THSD7A: variants seen among roughly 807,000 people sequenced by gnomAD.
The protein encoded by THSD7A is thrombospondin type-1 domain-containing protein 7A.
In THSD7A, 96 loss-of-function variants were observed where a neutral mutation model predicts 231.3. The observed-to-expected ratio is 0.41, with a 90% CI of 0.35 to 0.49. THSD7A has a LOEUF of 0.49. Among genes scored for constraint, THSD7A ranks in the 20% least tolerant of loss-of-function variants. THSD7A has a pLI of 0.05. For synonymous variants in THSD7A, 940 were observed against 743.3 expected, an observed-to-expected ratio of 1.26 and a Z score of -4.30; for missense variants, 2,290 against 2,070.2, an observed-to-expected ratio of 1.11 and a Z score of -2.06.
intron 19 of THSD7A, chr7:11,410,295 A>G (rs569903740): frequency 2.4e-4 from 37 of 152,342 alleles, no homozygotes; most frequent in African/African-American, 8.4e-4. Context: ...TATCAAATGA[A>G]TTAAAATATT....
chr7:11,712,708 C>T (rs1781007344), intron 1 of THSD7A, among the ~76,000 whole-genome samples: 1 of 150,974 alleles, frequency 6.6e-6, no homozygotes, highest in South Asian at 2.1e-4. Flanking sequence ...GAAGTGTTTT[C>T]TACTTAATCC....
chr7:11,824,353 G>A (rs1784962705), intron 1 of THSD7A, among the ~76,000 whole-genome samples: 1 of 151,942 alleles, frequency 6.6e-6, no homozygotes, highest in Non-Finnish European at 1.5e-5. Flanking sequence ...TCATATCAGA[G>A]GTCAAGAAAC....
Position 11,444,040 on chromosome 7 carries a change from TATGAAAAA to T in THSD7A, c.3064+2013_3064+2020del, listed in dbSNP as rs1252066368. Among the ~76,000 whole-genome samples, 2 of 151,786 alleles carry T rather than the reference TATGAAAAA, an allele frequency of 1.3e-5. No homozygotes were observed. Among genetic ancestry groups the T allele is most frequent in the Admixed American group, 1.3e-4 (2 of 15,214 alleles). ...ACGACATTTATGTGGCTAACAAACATATGAAAAAAAGCTCATCATCACTGGTCATTAGA... is the reference window on the plus strand; with the variant it reads ...ACGACATTTATGTGGCTAACAAACATAAGCTCATCATCACTGGTCATTAGA... On this transcript the variant is annotated intron_variant, in intron 13 of 27. Transcript: ENST00000423059. This position sits in a 1 kb window ranked among gnomAD's most constrained non-coding sequence, Gnocchi z 4.2.
At chr7:11,616,266 T>C (rs569652734) in intron 2 of THSD7A, among the ~76,000 whole-genome samples, 1 of 152,172 alleles carries the variant, frequency 6.6e-6, no homozygotes, top group African/African-American at 2.4e-5. Flanking sequence ...TGGTTCTCAA[T>C]CTCTCTGCTT....
At chr7:11,676,183 TAGAA>T (rs1334462064) in intron 1 of THSD7A, among the ~76,000 whole-genome samples, 1 of 152,124 alleles carries the variant, frequency 6.6e-6, no homozygotes, top group African/African-American at 2.4e-5. Flanking sequence ...GCCTGACTGT[TAGAA>T]AGAAAACTGA....
In THSD7A at chr7:11,611,197, G is replaced by T. The variant is rs529060985; in HGVS notation, c.1023-17695C>A. On this transcript the variant is annotated intron_variant, in intron 2 of 27. Coordinates refer to ENST00000423059, the MANE Select transcript of THSD7A (RefSeq NM_015204.3). ...TTTATATATCTCAAGTGTTAGAGAA[G>T]ATCTAACTTAATCAATATTTAATGT... Among the ~76,000 whole-genome samples the T allele has an allele frequency of 3.9e-5, 6 of 152,022 alleles. No individual in the cohort carries two copies. In the South Asian group the frequency reaches 1.0e-3, roughly 26 times the overall value.
chr7:11,579,472 G>A (rs899095363), intron 4 of THSD7A, among the ~76,000 whole-genome samples: 7 of 152,180 alleles, frequency 4.6e-5, no homozygotes, highest in African/African-American at 1.4e-4. Context: ...TGAAATAAGT[G>A]CTTAAGGGTT....
At chr7:11,719,925 A>T (rs1164890047) in intron 1 of THSD7A, among the ~76,000 whole-genome samples, 1 of 151,572 alleles carries the variant, frequency 6.6e-6, no homozygotes, top group Non-Finnish European at 1.5e-5. Context: ...CTTTCTCCTT[A>T]ACTATAACTC....
intron 4 of THSD7A, among the ~76,000 whole-genome samples, chr7:11,548,378 A>T (rs1583951833): frequency 6.6e-6 from 1 of 152,248 alleles, no homozygotes; most frequent in East Asian, 1.9e-4. Flanking sequence ...AACCCTTACC[A>T]ACCACAAAAG....
At chr7:11,461,861 GA>G (rs1253701908) in intron 10 of THSD7A, 149 bp downstream of exon 10, 28 of 1,005,072 alleles carry the variant, frequency 2.8e-5, no homozygotes, top group Non-Finnish European at 3.7e-5. Context: ...CTGCTGAAGA[GA>G]CAAGAATGGC....
chr7:11,473,634 C>G (rs902436188), intron 8 of THSD7A, among the ~76,000 whole-genome samples: 2 of 152,048 alleles, frequency 1.3e-5, no homozygotes, highest in Admixed American at 6.6e-5. Context: ...AAGTGATTAG[C>G]TCAGTTATGC....
chr7:11,502,921 A>C (rs540273657), intron 6 of THSD7A, among the ~76,000 whole-genome samples: 1 of 152,306 alleles, frequency 6.6e-6, no homozygotes, highest in Admixed American at 6.5e-5. Context: ...TCAATCCATC[A>C]ATAACATTCT....
intron 1 of THSD7A, among the ~76,000 whole-genome samples, chr7:11,668,445 AAG>A (rs540679033): frequency 6.9e-6 from 1 of 145,096 alleles, no homozygotes; most frequent in Non-Finnish European, 1.5e-5. Context: ...AAAAGAAAGA[AAG>A]AGAGAGAGAG....
Position 11,375,314 on chromosome 7 carries a change from T to C in THSD7A, c.*480A>G, listed in dbSNP as rs1782222156. 1 of 152,224 alleles carries C rather than the reference T, an allele frequency of 6.6e-6. No homozygotes were observed. The allele number at this position is 152,224 out of a possible 1,614,324, so 9.4% of individuals were successfully genotyped here. A position where few individuals can be genotyped will look rare whatever the true frequency, so the allele number is the denominator to read the frequency against. On this transcript the variant is annotated 3_prime_UTR_variant, in exon 28 of 28. Coordinates refer to ENST00000423059, the MANE Select transcript of THSD7A (RefSeq NM_015204.3). ...GTTTATTTGTTATGCATTGTTAAAA[T>C]TGCTTATTAGCAAGTACATAATCTG...
In THSD7A at chr7:11,411,563, T is replaced by C. The variant is rs1255528403; in HGVS notation, c.3683-241A>G. Among the ~76,000 whole-genome samples, 1 of 152,216 alleles carries C rather than the reference T, an allele frequency of 6.6e-6. No homozygotes were observed. Among genetic ancestry groups the C allele is most frequent in the Non-Finnish European group, 1.5e-5 (1 of 68,034 alleles). ...AAGGCAGATGTCTACTTGAAAATCT[T>C]GATAGCTAGCCGTTTGGTGACACTG... On this transcript the variant is annotated intron_variant, in intron 18 of 27. Transcript: ENST00000423059. This position sits in a 1 kb window ranked among gnomAD's most constrained non-coding sequence, Gnocchi z 4.1.
chr7:11,479,509 TGAA>T (rs1232387150), intron 7 of THSD7A, among the ~76,000 whole-genome samples: 1 of 152,206 alleles, frequency 6.6e-6, no homozygotes, highest in African/African-American at 2.4e-5. Flanking sequence ...CACTAATTCT[TGAA>T]GAATAATGGA....
At position 11,447,411 on chromosome 7, in the gene THSD7A, G is replaced by A; in HGVS notation, c.2619C>T (p.Arg873=). ...PGRQARAITC[R]KQDGGQAGIH... ...TTCCAGCCTGTCCTCCATCTTGCTT[G>A]CGACAAGTAATGGCTAAAAGAAAAG... Residue 873 remains arginine, a synonymous_variant, in exon 12 of 28, where the codon CGC becomes CGT. Coordinates refer to ENST00000423059, the MANE Select transcript of THSD7A (RefSeq NM_015204.3). The A allele has an allele frequency of 3.2e-6, 5 of 1,566,550 alleles. No individual in the cohort carries two copies. Among genetic ancestry groups the A allele is most frequent in the Non-Finnish European group, 3.5e-6 (4 of 1,159,182 alleles).
intron 4 of THSD7A, among the ~76,000 whole-genome samples, chr7:11,559,185 A>C (rs781648186): frequency 5.3e-5 from 8 of 152,146 alleles, no homozygotes; most frequent in Non-Finnish European, 1.2e-4. Flanking sequence ...GAGCAAGCAC[A>C]CAGCTCCTCC....
rs145645705 is a variant in THSD7A, at chr7:11,437,389, G to T, written c.3065-8264C>A. Among the ~76,000 whole-genome samples the T allele has an allele frequency of 3.3e-5, 5 of 152,044 alleles. No individual in the cohort carries two copies. The East Asian group carries it at 9.7e-4, about 30-fold the overall frequency. On this transcript the variant is annotated intron_variant, in intron 13 of 27. Coordinates refer to ENST00000423059, the MANE Select transcript of THSD7A (RefSeq NM_015204.3). ...GACCCTAGGCAATTGCTTTCTCTTTGTGCCCAAGTATCCTTAGATGCTCTT... is the reference window on the plus strand; with the variant it reads ...GACCCTAGGCAATTGCTTTCTCTTTTTGCCCAAGTATCCTTAGATGCTCTT...
Sources: allele counts gnomAD v4.1 joint callset (sites outside exome capture counted in the v4.1 genomes callset), GRCh38; gene constraint gnomAD v4.1.1; non-coding constraint Gnocchi (gnomAD v3.1); transcripts MANE v1.5; gene names NCBI Gene and HGNC (gene_info 2026-07-23, HGNC 2026-07-21).